The following OTOF variants were observed in gnomAD, a reference collection of about 807,000 sequenced individuals.
The protein encoded by OTOF is fer-1-like family member 2.
A neutral mutation model predicts 236.8 loss-of-function variants in OTOF; 218 were observed. That is an observed-to-expected ratio of 0.92 (90% CI 0.82 to 1.03). The LOEUF (loss-of-function observed/expected upper bound fraction) is 1.03. Ranked by LOEUF, OTOF falls within the 50% of genes least tolerant of loss-of-function variation. OTOF has a pLI of 0.00. For synonymous variants in OTOF, 1,041 were observed against 1,072.5 expected (o/e 0.97, Z 0.57); for missense variants, 2,590 against 2,694.4 (o/e 0.96, Z 0.86).
chr2:26,513,754 C>T (rs2148094371), intron 5 of OTOF, among the ~76,000 whole-genome samples: 1 of 152,318 alleles, frequency 6.6e-6, no homozygotes, highest in South Asian at 2.1e-4. Flanking sequence ...CCTGCCTGGG[C>T]TCCTAACGGG....
intron 2 of OTOF, among the ~76,000 whole-genome samples, chr2:26,537,314 G>A (rs1429412822): frequency 6.6e-6 from 1 of 152,148 alleles, no homozygotes. Flanking sequence ...AACCCCTGGG[G>A]ACTGACACAG....
intron 1 of OTOF, among the ~76,000 whole-genome samples, chr2:26,553,145 C>T (rs1572502552): frequency 6.6e-6 from 1 of 152,184 alleles, no homozygotes; most frequent in Non-Finnish European, 1.5e-5. Flanking sequence ...GTCCCCAGTG[C>T]CTCAGCTGCA....
rs771499146 is a variant in OTOF at position 26,476,959 on chromosome 2, G to A, written c.2608C>T (p.Leu870=). ...TCCTCCTCCACGATGGAGAAGAGCA[G>A]GTCCTTGGAGGGCACACGGGCATAG... ...VAYARVPSKD[L]LFSIVEEETG... The change falls in exon 22 of 47, where the codon CTG becomes TTG. Residue 870 remains leucine (L), a synonymous_variant. Coordinates refer to ENST00000272371, the MANE Select transcript of OTOF (RefSeq NM_194248.3). The A allele has an allele frequency of 8.1e-6, 13 of 1,611,480 alleles. No individual in the cohort carries two copies. The highest frequency in any genetic ancestry group is 4.0e-5 in the African/African-American group (3 of 74,770).
At chr2:26,514,258 C>T (rs933850764) in intron 5 of OTOF, among the ~76,000 whole-genome samples, 2 of 152,244 alleles carry the variant, frequency 1.3e-5, no homozygotes, top group African/African-American at 2.4e-5. Context: ...GGTGGGGGTG[C>T]CTGGCTTCGG....
chr2:26,553,807 CT>C (rs1337080326), intron 1 of OTOF, among the ~76,000 whole-genome samples: 1 of 152,200 alleles, frequency 6.6e-6, no homozygotes, highest in Admixed American at 6.5e-5. Flanking sequence ...CTGTCTTCCC[CT>C]AACTGACTCT....
At chr2:26,458,275 T>G (rs1664285439) in intron 46 of OTOF, 55 bp from the exon 47 acceptor site, 1 of 1,518,406 alleles carries the variant, frequency 6.6e-7, no homozygotes, top group Admixed American at 2.0e-5. Context: ...TGCCTCCCAG[T>G]GCACCCCATC....
intron 46 of OTOF, among the ~76,000 whole-genome samples, chr2:26,459,327 C>T (rs1268349638): frequency 2.6e-5 from 4 of 151,984 alleles, no homozygotes; most frequent in East Asian, 1.9e-4. Context: ...CCGAGATGGG[C>T]GGATCACGAG....
At chr2:26,504,679 C>T (rs564923744) in intron 5 of OTOF, among the ~76,000 whole-genome samples, 1 of 152,218 alleles carries the variant, frequency 6.6e-6, no homozygotes, top group South Asian at 2.1e-4. Context: ...CAGGGGTCCT[C>T]ACTGTCCTTC....
At chr2:26,530,160 C>T (rs895251248) in intron 2 of OTOF, among the ~76,000 whole-genome samples, 1 of 151,408 alleles carries the variant, frequency 6.6e-6, no homozygotes, top group African/African-American at 2.4e-5. Flanking sequence ...GGGATTTTGG[C>T]ATTGGAAGGA....
chr2:26,500,121 A>G (rs4665859), intron 8 of OTOF, among the ~76,000 whole-genome samples: 47,998 of 152,030 alleles, frequency 0.32, 8,734 homozygotes, highest in South Asian at 0.4. Context: ...AGAGAAGTCA[A>G]TTGCTCTTAT....
rs1235195567 is a variant in OTOF at position 26,548,931 on chromosome 2, C to A, written c.79+9562G>T. On this transcript the variant is annotated intron_variant, in intron 1 of 46. Transcript: ENST00000272371. ...TTATACAGTATGTGGTCTTTTGTGT[C>A]TGGCTTCTTTTATTTAACATAATGT... is the stretch of plus-strand genomic sequence containing the variant. Among the ~76,000 whole-genome samples the A allele has an allele frequency of 2.0e-5, 3 of 152,248 alleles. No homozygotes were observed. The East Asian group carries it at 5.8e-4, about 29-fold the overall frequency.
At position 26,473,967 on chromosome 2, in the gene OTOF, A is replaced by C; in HGVS notation, c.3408+24T>G. ...TCCTCAGACTCCTCATCCAAAAGGG[A>C]AGGGCCACACAGAGCCCTCGCACCT... On this transcript the variant is annotated intron_variant, in intron 27 of 46. Transcript: ENST00000272371. The surrounding 1 kb of genome is among the most constrained non-coding windows in gnomAD (Gnocchi z 7.2). The C allele has an allele frequency of 1.2e-6, 2 of 1,612,568 alleles. No individual in the cohort carries two copies. The highest frequency in any genetic ancestry group is 1.7e-6 in the Non-Finnish European group (2 of 1,179,750).
At chr2:26,459,570 A>AT (rs1664358354) in intron 46 of OTOF, among the ~76,000 whole-genome samples, 1 of 151,764 alleles carries the variant, frequency 6.6e-6, no homozygotes, top group African/African-American at 2.4e-5. Flanking sequence ...AAAAAAAAAA[A>AT]AAAAAATTGG....
At position 26,477,983 on chromosome 2, in the gene OTOF, A is replaced by C; in HGVS notation, c.2215-234T>G. On this transcript the variant is annotated intron_variant, in intron 18 of 46. Coordinates refer to ENST00000272371, the MANE Select transcript of OTOF (RefSeq NM_194248.3). This position sits in a 1 kb window ranked among gnomAD's most constrained non-coding sequence, Gnocchi z 4.7. ...TCTTCAGTTCCTGAAGGAAGAAGCC[A>C]CCTCTGGGCTGTGAGTCTGTGGCTC... The C allele has an allele frequency of 6.9e-7, 1 of 1,459,150 alleles. No individual in the cohort carries two copies. The highest frequency in any genetic ancestry group is 9.0e-7 in the Non-Finnish European group (1 of 1,107,570). 90.4% of individuals were successfully genotyped at this position (1,459,150 alleles called of 1,614,324 possible).
chr2:26,460,669 G>T lies in OTOF; in HGVS notation c.5791C>A (p.Pro1931Thr), dbSNP rs537706054. The change falls in exon 45 of 47, where the codon CCT becomes ACT. Residue 1931 changes from proline (P) to threonine (T), a missense_variant. Pro to Thr is a conservative substitution (Grantham distance 38, BLOSUM62 -1). This residue lies in a region of OTOF where 1,211 missense variants were observed against 1,352.8 expected (regional missense o/e 0.90). Coordinates refer to ENST00000272371, the MANE Select transcript of OTOF (RefSeq NM_194248.3). This position sits in a 1 kb window ranked among gnomAD's most constrained non-coding sequence, Gnocchi z 5.3. The part of the protein sequence containing the change: ...KNPVGLARNE[P>T]DPLEKPNRPD... ...CACTTGGGTTTCTCTAGGGGGTCAG[G>T]TTCATTGCGGGCCAGGCCCACTGGG... 1 of 1,614,068 alleles carries T rather than the reference G, an allele frequency of 6.2e-7. No individual in the cohort carries two copies. The highest frequency in any genetic ancestry group is 8.5e-7 in the Non-Finnish European group (1 of 1,179,944).
chr2:26,466,068 G>T lies in OTOF; in HGVS notation c.4509C>A (p.Asp1503Glu), dbSNP rs1335296783. The change falls in exon 37 of 47, where the codon GAC (aspartate) becomes GAA (glutamate). Residue 1503 changes from aspartate (D) to glutamate (E), a missense_variant. By Grantham distance (45) the Asp-to-Glu change is conservative. Around this residue, in one of 2 missense-constraint regions of OTOF, gnomAD observed 1,211 missense variants for 1,352.8 expected, o/e 0.90. Transcript: ENST00000272371. ...LVRVYVVRAT[D>E]LHPADINGKA... The stretch of plus-strand genomic sequence containing the variant: ...TGCCGTTGATGTCAGCAGGGTGCAG[G>T]TCCGTGGCCTGGAATGGGGAGAAGG... 2 of 1,614,212 alleles carry T rather than the reference G, an allele frequency of 1.2e-6. No individual in the cohort carries two copies. The highest frequency in any genetic ancestry group is 1.7e-6 in the Non-Finnish European group (2 of 1,180,036).
intron 10 of OTOF, 88 bp downstream of exon 10, chr2:26,489,590 G>T (rs1665787187): frequency 1.8e-6 from 2 of 1,102,034 alleles, no homozygotes; most frequent in Non-Finnish European, 2.8e-6. Flanking sequence ...TTTATCATGG[G>T]TCTAGACAGA....
intron 1 of OTOF, among the ~76,000 whole-genome samples, chr2:26,556,212 G>A (rs1040350530): frequency 6.6e-6 from 1 of 152,218 alleles, no homozygotes; most frequent in Non-Finnish European, 1.5e-5. Context: ...GTCTCCCTCT[G>A]CGTGTTTACC....
chr2:26,544,012 C>T (rs528776117), intron 1 of OTOF, among the ~76,000 whole-genome samples: 4 of 152,256 alleles, frequency 2.6e-5, no homozygotes, highest in South Asian at 2.1e-4. Flanking sequence ...TGGGCCACTG[C>T]GCCCAGCTTG....
Sources: gnomAD v4.1 joint callset for allele counts (sites outside exome capture counted in the v4.1 genomes callset) on GRCh38, gnomAD v4.1.1 for gene constraint, gnomAD v4.1.1 regional missense constraint, Gnocchi (gnomAD v3.1) non-coding constraint, MANE v1.5 for transcripts, NCBI Gene and HGNC (gene_info 2026-07-23, HGNC 2026-07-21) for gene names.